The following ERGIC2 variants were observed in gnomAD, a reference collection of about 807,000 sequenced individuals.
ERGIC2 encodes endoplasmic reticulum-Golgi intermediate compartment protein 2.
ERGIC2 carries 31 observed loss-of-function variants against 52.5 expected under a neutral mutation model. The ratio of observed to expected loss-of-function variants is 0.59; its 90% CI spans 0.44 to 0.80. The LOEUF is 0.80. ERGIC2 is among the 30% of genes least tolerant of loss of function. The pLI is 0.00. For missense variants in ERGIC2, 395 were observed against 455.2 expected, an observed-to-expected ratio of 0.87 and a Z score of 1.20; for synonymous variants, 129 against 140.6, an observed-to-expected ratio of 0.92 and a Z score of 0.58.
chr12:29,348,248 C>T (rs927247026), intron 10 of ERGIC2, among the ~76,000 whole-genome samples: 3 of 151,734 alleles, frequency 2.0e-5, no homozygotes, highest in African/African-American at 4.8e-5. Flanking sequence ...TATAACACTG[C>T]TAAAAAGTAA....
chr12:29,376,041 G>A (rs901617782), intron 1 of ERGIC2, among the ~76,000 whole-genome samples: 1 of 152,014 alleles, frequency 6.6e-6, no homozygotes, highest in Admixed American at 6.6e-5. Flanking sequence ...CCAATCCTTA[G>A]TCATTTCTGA....
chr12:29,338,374 G>C lies in ERGIC2; in HGVS notation c.*2782C>G, dbSNP rs1035195499. ...AGAAGTAATTTGGGTGCCAGGTGCA[G>C]TGGCTCGTGCCTATAATTCCAGCAA... On this transcript the variant is annotated 3_prime_UTR_variant, in exon 14 of 14. Transcript: ENST00000360150. The C allele has an allele frequency of 6.6e-6, 1 of 152,182 alleles. No homozygotes were observed. The highest frequency in any genetic ancestry group is 2.4e-5 in the African/African-American group (1 of 41,440). 9.4% of individuals were successfully genotyped at this position (152,182 alleles called of 1,614,324 possible). A position where few individuals can be genotyped will look rare whatever the true frequency, so the allele number is the denominator to read the frequency against.
At chr12:29,364,367 T>C (rs566380247) in intron 5 of ERGIC2, among the ~76,000 whole-genome samples, 1 of 152,288 alleles carries the variant, frequency 6.6e-6, no homozygotes, top group East Asian at 1.9e-4. Flanking sequence ...AAGGACTCTC[T>C]ATTCAATAAA....
intron 2 of ERGIC2, among the ~76,000 whole-genome samples, chr12:29,370,723 A>T: frequency 6.6e-6 from 1 of 152,022 alleles, no homozygotes; most frequent in Non-Finnish European, 1.5e-5. Flanking sequence ...TTAGATCCTG[A>T]GAAACCACAA....
rs748972851 is a variant in ERGIC2 at position 29,343,215 on chromosome 12, C to A, written c.893G>T (p.Ser298Ile). The change falls in exon 12 of 14, where the codon AGT becomes ATT. Residue 298 changes from serine to isoleucine, a missense_variant. Physicochemically the swap from Ser to Ile is moderately radical, Grantham distance 142. Coordinates refer to ENST00000360150, the MANE Select transcript of ERGIC2 (RefSeq NM_016570.3). ...CTCAGTAACTGTCACCATAAGAGAA[C>A]TGAGATCATATTTCATAAATATCCC... ...VSGIFMKYDL[S>I]SLMVTVTEEH... The A allele has an allele frequency of 6.2e-7, 1 of 1,610,950 alleles. No individual in the cohort carries two copies. Among genetic ancestry groups the A allele is most frequent in the Non-Finnish European group, 8.5e-7 (1 of 1,178,070 alleles).
chr12:29,368,220 G>GC (rs1350911381), intron 4 of ERGIC2, 21 bp downstream of exon 4: 2 of 1,499,570 alleles, frequency 1.3e-6, no homozygotes, highest in East Asian at 4.5e-5. Flanking sequence ...TGTGGATTCA[G>GC]CAAGTTGAAG....
At chr12:29,364,706 TG>T (rs1381391188) in intron 5 of ERGIC2, among the ~76,000 whole-genome samples, 2 of 151,972 alleles carry the variant, frequency 1.3e-5, no homozygotes, top group Non-Finnish European at 2.9e-5. Flanking sequence ...TCACAAACTA[TG>T]CATCTGATAA....
chr12:29,349,192 A>G lies in ERGIC2; in HGVS notation c.629-15T>C, dbSNP rs752302117. 2 of 1,301,324 alleles carry G rather than the reference A, an allele frequency of 1.5e-6. No homozygotes were observed. The highest frequency in any genetic ancestry group is 2.2e-6 in the Non-Finnish European group (2 of 929,386). 80.6% of individuals were successfully genotyped at this position (1,301,324 alleles called of 1,614,324 possible). ...AAAATTGTAAGCTAAAAGGCAAAAA[A>G]TAAAAACAACTTAGCAGAGAAATTA... On this transcript the variant is annotated splice_polypyrimidine_tract_variant and intron_variant, in intron 9 of 13. Coordinates refer to ENST00000360150, the MANE Select transcript of ERGIC2 (RefSeq NM_016570.3).
chr12:29,380,018 A>G (rs1013769228), intron 1 of ERGIC2, among the ~76,000 whole-genome samples: 1 of 151,096 alleles, frequency 6.6e-6, no homozygotes, highest in African/African-American at 2.4e-5. Flanking sequence ...CCAGGAAGCC[A>G]TTATAACACG....
rs1940048160 is a variant in ERGIC2, at chr12:29,346,122, CTTAG to C, written c.728-586_728-583del. Among the ~76,000 whole-genome samples the C allele has an allele frequency of 3.3e-5, 5 of 151,732 alleles. No homozygotes were observed. In the South Asian group the frequency reaches 1.0e-3, roughly 32 times the overall value. On this transcript the variant is annotated intron_variant, in intron 10 of 13. Coordinates refer to ENST00000360150, the MANE Select transcript of ERGIC2 (RefSeq NM_016570.3). ...GATGTTTAAAAAAATGAATTGGTGA[CTTAG>C]TTAAATATTCCTTAAAATCGTTAAC...
rs181674055 is a variant in ERGIC2 at position 29,354,701 on chromosome 12, T to C, written c.572+1681A>G. ...CTTTTCTATTTGGCCTCTCTGATAG[T>C]GTGAGTTACCACCTGGGAAGGAAAG... On this transcript the variant is annotated intron_variant, in intron 8 of 13. Coordinates refer to ENST00000360150, the MANE Select transcript of ERGIC2 (RefSeq NM_016570.3). Among the ~76,000 whole-genome samples, 464 of 152,242 alleles carry C rather than the reference T, an allele frequency of 3.0e-3. 2 individuals are homozygous for C. Among genetic ancestry groups the C allele is most frequent in the African/African-American group, 0.011 (449 of 41,544 alleles).
At chr12:29,355,504 G>T (rs1940190721) in intron 8 of ERGIC2, among the ~76,000 whole-genome samples, 1 of 152,136 alleles carries the variant, frequency 6.6e-6, no homozygotes, top group African/African-American at 2.4e-5. Context: ...ATATGGAAAA[G>T]AAGGGAGGGA....
Position 29,357,659 on chromosome 12 carries a change from C to T in ERGIC2, c.440G>A (p.Ser147Asn), listed in dbSNP as rs1388488112. 1.2e-6 allele frequency: 2 copies of T among 1,606,512 alleles called. No individual in the cohort carries two copies. Among genetic ancestry groups the T allele is most frequent in the Admixed American group, 1.7e-5 (1 of 59,724 alleles). ...EHSLQDVIFKSAFKSTSTALP... is the reference protein window; with the variant it reads ...EHSLQDVIFKNAFKSTSTALP... ...AGCTGTTGATGTACTTTTAAAAGCA[C>T]TTTTAAATATCACATCTTGAAGTGA... The change falls in exon 7 of 14, where the codon AGT becomes AAT. Residue 147 changes from serine to asparagine, a missense_variant. Ser to Asn is a conservative substitution (Grantham distance 46). Coordinates refer to ENST00000360150, the MANE Select transcript of ERGIC2 (RefSeq NM_016570.3).
intron 1 of ERGIC2, among the ~76,000 whole-genome samples, chr12:29,374,813 T>C (rs1002179691): frequency 3.9e-5 from 6 of 152,200 alleles, no homozygotes; most frequent in African/African-American, 7.2e-5. Flanking sequence ...TATCACTACA[T>C]TGCTTCAACA....
chr12:29,350,196 C>T, intron 8 of ERGIC2, 128 bp from the exon 9 acceptor site: 1 of 592,310 alleles, frequency 1.7e-6, no homozygotes, highest in Non-Finnish European at 3.0e-6. Context: ...ATGCATTTGG[C>T]CTATTGACTG....
intron 5 of ERGIC2, among the ~76,000 whole-genome samples, chr12:29,364,284 G>A (rs1225964102): frequency 6.6e-6 from 1 of 152,012 alleles, no homozygotes; most frequent in East Asian, 1.9e-4. Flanking sequence ...ACAGAATGGA[G>A]AATCCAGAAA....
In ERGIC2 at chr12:29,349,341, T is replaced by C. The variant is rs114575020; in HGVS notation, c.629-164A>G. The stretch of plus-strand genomic sequence containing the variant: ...GCCACAATACTTTGAGAAAAATAAA[T>C]GTAAATATATGCGAATTAAATGTAT... On this transcript the variant is annotated intron_variant, in intron 9 of 13. Transcript: ENST00000360150. Among the ~76,000 whole-genome samples, 1,226 of 152,060 alleles carry C rather than the reference T, an allele frequency of 8.1e-3. 10 individuals are homozygous for C. Among genetic ancestry groups the C allele is most frequent in the African/African-American group, 0.028 (1,163 of 41,562 alleles).
chr12:29,371,896 G>A (rs528841330), intron 1 of ERGIC2, among the ~76,000 whole-genome samples: 5 of 151,590 alleles, frequency 3.3e-5, no homozygotes, highest in African/African-American at 1.2e-4. Flanking sequence ...TATATAGCAA[G>A]AAAAAAAGTG....
intron 5 of ERGIC2, among the ~76,000 whole-genome samples, chr12:29,363,519 T>C (rs909323420): frequency 6.6e-6 from 1 of 151,956 alleles, no homozygotes; most frequent in Non-Finnish European, 1.5e-5. Context: ...TACAATTAAA[T>C]ATTTTGAAGT....
Sources: allele counts gnomAD v4.1 joint callset (sites outside exome capture counted in the v4.1 genomes callset), GRCh38; gene constraint gnomAD v4.1.1; transcripts MANE v1.5; gene names NCBI Gene and HGNC (gene_info 2026-07-23, HGNC 2026-07-21).